The following RNF138 variants were observed in gnomAD, a reference collection of about 807,000 sequenced individuals.
RNF138 encodes ring finger protein 138, also known as E3 ubiquitin-protein ligase RNF138.
RNF138 carries 12 observed loss-of-function variants against 31.0 expected under a neutral mutation model. That is an observed-to-expected ratio of 0.39 (90% CI 0.25 to 0.63). The LOEUF (loss-of-function observed/expected upper bound fraction) is 0.63. Ranked by LOEUF, RNF138 falls within the 20% of genes least tolerant of loss-of-function variation. The pLI, the probability that RNF138 is intolerant of heterozygous loss-of-function variation, is 0.52. For synonymous variants in RNF138, 105 were observed against 99.5 expected, an observed-to-expected ratio of 1.06 and a Z score of -0.33; for missense variants, 192 against 300.1, an observed-to-expected ratio of 0.64 and a Z score of 2.66.
In RNF138 at chr18:32,101,323, A is replaced by G. The variant is rs543431609; in HGVS notation, c.110+8437A>G. Reference sequence around the variant, plus strand: ...AACCTCCGCCTCCTAGGTTCAAGCCATTCTTCTACCTCAGTCTTCTGAGTA... The same window carrying G: ...AACCTCCGCCTCCTAGGTTCAAGCCGTTCTTCTACCTCAGTCTTCTGAGTA... On this transcript the variant is annotated intron_variant, in intron 2 of 7. Transcript: ENST00000261593. 1.3e-3 allele frequency among the ~76,000 whole-genome samples: 195 copies of G among 150,860 alleles called. 1 individual carries two copies. Among genetic ancestry groups the G allele is most frequent in the African/African-American group, 4.4e-3 (182 of 41,058 alleles).
intron 2 of RNF138, among the ~76,000 whole-genome samples, chr18:32,102,688 A>G (rs1450999193): frequency 6.6e-6 from 1 of 151,530 alleles, no homozygotes; most frequent in African/African-American, 2.4e-5. Flanking sequence ...GCTGGAGTAC[A>G]GTGGCACTAT....
At chr18:32,115,784 C>T (rs372282880) in intron 4 of RNF138, among the ~76,000 whole-genome samples, 9 of 152,266 alleles carry the variant, frequency 5.9e-5, no homozygotes, top group East Asian at 1.9e-4. Flanking sequence ...CACGCACACA[C>T]ACACTTCCTT....
chr18:32,106,181 ATTTGGATTG>A (rs2040024743), intron 2 of RNF138, among the ~76,000 whole-genome samples: 1 of 152,096 alleles, frequency 6.6e-6, no homozygotes, highest in Non-Finnish European at 1.5e-5. Context: ...TCGTATTTTT[ATTTGGATTG>A]TTTGGGTTTT....
intron 2 of RNF138, among the ~76,000 whole-genome samples, chr18:32,101,247 C>A (rs1184951636): frequency 6.7e-6 from 1 of 149,082 alleles, no homozygotes; most frequent in African/African-American, 2.5e-5. Context: ...CAGAGTCTGG[C>A]TCTGTTGTCC....
intron 2 of RNF138, among the ~76,000 whole-genome samples, chr18:32,105,336 C>G (rs2040011608): frequency 6.6e-6 from 1 of 152,144 alleles, no homozygotes; most frequent in Non-Finnish European, 1.5e-5. Flanking sequence ...ATTGATCCAC[C>G]CACCTCGGCC....
At chr18:32,123,686 TTG>T in intron 5 of RNF138, 112 bp downstream of exon 5, 1 of 678,420 alleles carries the variant, frequency 1.5e-6, no homozygotes, top group Non-Finnish European at 2.3e-6. Flanking sequence ...GAGTCTCACT[TTG>T]TTTTCCCAGG....
intron 2 of RNF138, among the ~76,000 whole-genome samples, chr18:32,094,013 G>C (rs1568221313): frequency 6.6e-6 from 1 of 151,880 alleles, no homozygotes; most frequent in African/African-American, 2.4e-5. Flanking sequence ...GGATGGTCTC[G>C]ATCTCCTGAC....
intron 2 of RNF138, among the ~76,000 whole-genome samples, chr18:32,106,916 T>TA (rs1247209414): frequency 1.3e-5 from 2 of 152,096 alleles, no homozygotes; most frequent in Admixed American, 1.3e-4. Flanking sequence ...TTGTGACTCT[T>TA]AAATTTATTG....
chr18:32,108,299 A>G (rs1173836675), intron 2 of RNF138, among the ~76,000 whole-genome samples: 1 of 152,190 alleles, frequency 6.6e-6, no homozygotes, highest in African/African-American at 2.4e-5. Flanking sequence ...TTAGCATCCC[A>G]GAAACTCCCC....
At chr18:32,106,717 A>G (rs2040035743) in intron 2 of RNF138, among the ~76,000 whole-genome samples, 1 of 151,584 alleles carries the variant, frequency 6.6e-6, no homozygotes, top group South Asian at 2.1e-4. Flanking sequence ...GGCGCCCGTC[A>G]CCATGCCTAG....
At chr18:32,102,780 G>A (rs577924066) in intron 2 of RNF138, among the ~76,000 whole-genome samples, 4 of 151,936 alleles carry the variant, frequency 2.6e-5, no homozygotes, top group East Asian at 3.9e-4. Flanking sequence ...TTACAGGTGC[G>A]CAACACCACG....
chr18:32,128,497 C>G (rs1217636704), intron 7 of RNF138, among the ~76,000 whole-genome samples: 3 of 152,196 alleles, frequency 2.0e-5, no homozygotes, highest in African/African-American at 7.2e-5. Context: ...AAGATTGTGC[C>G]ACTGCACTCC....
At chr18:32,117,637 T>C (rs2144261887) in intron 4 of RNF138, among the ~76,000 whole-genome samples, 1 of 152,370 alleles carries the variant, frequency 6.6e-6, no homozygotes, top group Middle Eastern at 3.4e-3. Flanking sequence ...ATTTTTTCCA[T>C]GTATCTAACT....
chr18:32,119,426 ATTTAT>A (rs967150681), intron 4 of RNF138, among the ~76,000 whole-genome samples: 2 of 150,764 alleles, frequency 1.3e-5, no homozygotes, highest in African/African-American at 4.9e-5. Context: ...ATTTTATTTT[ATTTAT>A]TTTATTTTTT....
chr18:32,113,707 C>A, intron 3 of RNF138, 38 bp from the exon 4 acceptor site: 1 of 929,634 alleles, frequency 1.1e-6, no homozygotes, highest in South Asian at 1.8e-5. Context: ...CTTACGAGTT[C>A]TATTTTAAAT....
chr18:32,098,695 A>G (rs2144566491), intron 2 of RNF138, among the ~76,000 whole-genome samples: 1 of 151,908 alleles, frequency 6.6e-6, no homozygotes, highest in African/African-American at 2.4e-5. Flanking sequence ...TACTAAAAAT[A>G]CAAAAAAATT....
rs2144313888 is a variant in RNF138, at chr18:32,131,287, G to T, written c.*2100G>T. ...TCTGAGAATTTCTCAGTATGAAAAT[G>T]ATTGTTTAAAATTTCCCCTCTTTTT... On this transcript the variant is annotated 3_prime_UTR_variant, in exon 8 of 8. Coordinates refer to ENST00000261593, the MANE Select transcript of RNF138 (RefSeq NM_016271.5). 2 of 151,772 alleles carry T rather than the reference G, an allele frequency of 1.3e-5. No homozygotes were observed. Among genetic ancestry groups the T allele is most frequent in the Middle Eastern group, 3.4e-3 (1 of 292 alleles). The allele number at this position is 151,772 out of a possible 1,614,324, so 9.4% of individuals were successfully genotyped here. A position where few individuals can be genotyped will look rare whatever the true frequency, so the allele number is the denominator to read the frequency against.
chr18:32,109,209 A>G (rs1208205837), intron 2 of RNF138, among the ~76,000 whole-genome samples: 1 of 149,124 alleles, frequency 6.7e-6, no homozygotes, highest in African/African-American at 2.5e-5. Context: ...GCTGAAGTGC[A>G]GTGGCACGAT....
At chr18:32,123,666 T>G (rs2040340808) in intron 5 of RNF138, 92 bp downstream of exon 5, 1 of 921,012 alleles carries the variant, frequency 1.1e-6, no homozygotes, top group East Asian at 3.0e-5. Flanking sequence ...TTTTTTTTTT[T>G]TTTGAGACGG....
Sources: allele counts gnomAD v4.1 joint callset (sites outside exome capture counted in the v4.1 genomes callset), GRCh38; gene constraint gnomAD v4.1.1; transcripts MANE v1.5; gene names NCBI Gene and HGNC (gene_info 2026-07-23, HGNC 2026-07-21).